Variants in DYNC2H1 observed in about 807,000 individuals in gnomAD.
DYNC2H1 encodes cytoplasmic dynein 2 heavy chain 1.
Under a neutral mutation model 570.0 loss-of-function variants are expected in DYNC2H1, and 410 were observed. The observed-to-expected ratio is 0.72, with a 90% CI of 0.66 to 0.78. The LOEUF is 0.78. DYNC2H1 is among the 30% of genes least tolerant of loss of function. The pLI is 0.00. For synonymous variants in DYNC2H1, 1,688 were observed against 1,677.6 expected, an observed-to-expected ratio of 1.01 and a Z score of -0.15; for missense variants, 4,865 against 5,046.4, an observed-to-expected ratio of 0.96 and a Z score of 1.09.
At chr11:103,238,305 C>T (rs947966354) in intron 63 of DYNC2H1, among the ~76,000 whole-genome samples, 3 of 152,108 alleles carry the variant, frequency 2.0e-5, no homozygotes, top group African/African-American at 7.2e-5. Flanking sequence ...TGTAGTGGCT[C>T]ATGCTTGTAA....
At chr11:103,248,841 T>A (rs1005617490) in intron 65 of DYNC2H1, among the ~76,000 whole-genome samples, 1 of 151,914 alleles carries the variant, frequency 6.6e-6, no homozygotes, top group Non-Finnish European at 1.5e-5. Context: ...TATCCATGTA[T>A]CCAAGCACCC....
At chr11:103,160,577 A>G (rs1301536736) in intron 28 of DYNC2H1, among the ~76,000 whole-genome samples, 1 of 152,086 alleles carries the variant, frequency 6.6e-6, no homozygotes, top group Non-Finnish European at 1.5e-5. Context: ...GGTACGTAGT[A>G]GTTGATTAGG....
At chr11:103,423,408 TAAAAAAAAAAA>T (rs60223334) in intron 84 of DYNC2H1, among the ~76,000 whole-genome samples, 36 of 120,508 alleles carry the variant, frequency 3.0e-4, no homozygotes, top group African/African-American at 7.1e-4. Context: ...GCCAAAAAAG[TAAAAAAAAAAA>T]AAAAAAAAAA....
At chr11:103,440,453 G>A (rs780694869) in intron 85 of DYNC2H1, among the ~76,000 whole-genome samples, 5 of 152,136 alleles carry the variant, frequency 3.3e-5, no homozygotes, top group African/African-American at 4.8e-5. Context: ...CAAGCCAGTG[G>A]CTGGTACGTT....
rs1591807856 is a variant in DYNC2H1 at position 103,472,100 on chromosome 11, T to G, written c.12765+3395T>G. The stretch of plus-strand genomic sequence containing the variant: ...TTCTGGGAACAGCAAGTATTGTACA[T>G]CTGGAGGGTATAGTTCATATGGAAG... On this transcript the variant is annotated intron_variant, in intron 88 of 88. Coordinates refer to ENST00000375735, the MANE Select transcript of DYNC2H1 (RefSeq NM_001377.3). This position sits in a 1 kb window ranked among gnomAD's most constrained non-coding sequence, Gnocchi z 4.1. 6.6e-6 allele frequency among the ~76,000 whole-genome samples: 1 copy of G among 152,242 alleles called. No individual in the cohort carries two copies. The highest frequency in any genetic ancestry group is 1.9e-4 in the East Asian group (1 of 5,180).
At chr11:103,388,322 A>G (rs1941981177) in intron 83 of DYNC2H1, among the ~76,000 whole-genome samples, 1 of 152,150 alleles carries the variant, frequency 6.6e-6, no homozygotes, top group African/African-American at 2.4e-5. Context: ...ATTGGTGTAT[A>G]AGAATGCCTG....
chr11:103,192,015 T>C, intron 46 of DYNC2H1, 82 bp from the exon 47 acceptor site: 4 of 1,150,328 alleles, frequency 3.5e-6, no homozygotes, highest in Non-Finnish European at 4.7e-6. Context: ...TGTAGACACC[T>C]GCTATTTCTT....
intron 52 of DYNC2H1, among the ~76,000 whole-genome samples, chr11:103,207,335 ATTGC>A (rs1862980146): frequency 6.6e-6 from 1 of 151,502 alleles, no homozygotes; most frequent in Non-Finnish European, 1.5e-5. Flanking sequence ...ACAGGGAAAA[ATTGC>A]TAGAATAATA....
intron 24 of DYNC2H1, among the ~76,000 whole-genome samples, 198 bp from the exon 25 acceptor site, chr11:103,155,133 G>A (rs1344176033): frequency 6.6e-6 from 1 of 152,008 alleles, no homozygotes; most frequent in Non-Finnish European, 1.5e-5. Flanking sequence ...AGGGTAATTT[G>A]TGTGTGTCCA....
chr11:103,222,882 C>T lies in DYNC2H1; in HGVS notation c.9232-83C>T, dbSNP rs1437495136. ...TTTATTTGGGTCAAGTTAATAAGTG[C>T]CCAAATAAAGTGTGTTAGAATTAAC... On this transcript the variant is annotated intron_variant, in intron 58 of 88. Coordinates refer to ENST00000375735, the MANE Select transcript of DYNC2H1 (RefSeq NM_001377.3). 2.6e-6 allele frequency: 4 copies of T among 1,554,708 alleles called. No homozygotes were observed. The East Asian group carries it at 9.3e-5, about 36-fold the overall frequency.
chr11:103,246,988 C>G (rs912667568), intron 65 of DYNC2H1, among the ~76,000 whole-genome samples: 5 of 151,434 alleles, frequency 3.3e-5, no homozygotes, highest in East Asian at 1.9e-4. Context: ...CTCTTTTTCT[C>G]TCTCTCTCTC....
intron 59 of DYNC2H1, among the ~76,000 whole-genome samples, chr11:103,227,374 G>A (rs4754062): frequency 0.063 from 9,632 of 152,008 alleles, 567 homozygotes; most frequent in Admixed American, 0.19. Context: ...GTTTTGATAG[G>A]TTGTATTACT....
rs1862838130 is a variant in DYNC2H1 at position 103,204,309 on chromosome 11, C to A, written c.8312-513C>A. On this transcript the variant is annotated intron_variant, in intron 51 of 88. Transcript: ENST00000375735. This position sits in a 1 kb window ranked among gnomAD's most constrained non-coding sequence, Gnocchi z 4.1. ...ATTTGGGTAGGGACACAGAGCCAAA[C>A]CATATCAATACCTTAGCAAAATTTT... Among the ~76,000 whole-genome samples, 1 of 152,100 alleles carries A rather than the reference C, an allele frequency of 6.6e-6. No individual in the cohort carries two copies. Among genetic ancestry groups the A allele is most frequent in the African/African-American group, 2.4e-5 (1 of 41,416 alleles).
At chr11:103,408,565 A>G (rs994866539) in intron 84 of DYNC2H1, among the ~76,000 whole-genome samples, 2 of 152,022 alleles carry the variant, frequency 1.3e-5, no homozygotes, top group African/African-American at 4.8e-5. Context: ...TAGCAGAAAT[A>G]TTAAATAGAT....
At position 103,114,084 on chromosome 11, in the gene DYNC2H1, C is replaced by G. The variant is rs1434970891; in HGVS notation, c.367-19C>G. The G allele has an allele frequency of 5.6e-6, 9 of 1,605,356 alleles. No individual in the cohort carries two copies. The East Asian group carries it at 1.6e-4, about 28-fold the overall frequency. ...AAAATTTTGATCAATCTTGGTTGCT[C>G]TTGTCTGTTTTTATTTAGGATCAGG... On this transcript the variant is annotated intron_variant, in intron 2 of 88. Coordinates refer to ENST00000375735, the MANE Select transcript of DYNC2H1 (RefSeq NM_001377.3).
At chr11:103,318,781 T>G (rs1938003642) in intron 80 of DYNC2H1, among the ~76,000 whole-genome samples, 1 of 152,134 alleles carries the variant, frequency 6.6e-6, no homozygotes, top group African/African-American at 2.4e-5. Flanking sequence ...TACAATTCAA[T>G]AAATTTTCCA....
intron 82 of DYNC2H1, among the ~76,000 whole-genome samples, chr11:103,350,708 T>C (rs893377439): frequency 6.6e-6 from 1 of 152,168 alleles, no homozygotes; most frequent in African/African-American, 2.4e-5. Context: ...TCTTCCAGGC[T>C]TGTAGACAGC....
At chr11:103,399,996 A>G in intron 84 of DYNC2H1, 124 bp downstream of exon 84, 1 of 768,628 alleles carries the variant, frequency 1.3e-6, no homozygotes, top group Non-Finnish European at 2.0e-6. Flanking sequence ...GGCTTAAGCC[A>G]TATAAAAATT....
intron 88 of DYNC2H1, among the ~76,000 whole-genome samples, chr11:103,474,474 G>C (rs544008806): frequency 6.6e-6 from 1 of 152,110 alleles, no homozygotes; most frequent in African/African-American, 2.4e-5. Flanking sequence ...TGGCCAAATA[G>C]CTAATATGAG....
Sources: allele counts gnomAD v4.1 joint callset (sites outside exome capture counted in the v4.1 genomes callset), GRCh38; gene constraint gnomAD v4.1.1; non-coding constraint Gnocchi (gnomAD v3.1); transcripts MANE v1.5; gene names NCBI Gene and HGNC (gene_info 2026-07-23, HGNC 2026-07-21).